SETBP1: variants seen among roughly 807,000 people sequenced by gnomAD.
The protein encoded by SETBP1 is SET-binding protein.
Under a neutral mutation model 101.0 loss-of-function variants are expected in SETBP1, and 9 were observed. That is an observed-to-expected ratio of 0.09 (90% CI 0.05 to 0.16). SETBP1 has a LOEUF of 0.16. Ranked by LOEUF, SETBP1 falls within the 10% of genes least tolerant of loss-of-function variation. The pLI, the probability that SETBP1 is intolerant of heterozygous loss-of-function variation, is 1.00. For synonymous variants in SETBP1, 818 were observed against 788.5 expected, an observed-to-expected ratio of 1.04 and a Z score of -0.63; for missense variants, 1,858 against 2,033.8, an observed-to-expected ratio of 0.91 and a Z score of 1.66.
At chr18:44,739,872 G>A (rs1254087462) in intron 2 of SETBP1, among the ~76,000 whole-genome samples, 2 of 152,174 alleles carry the variant, frequency 1.3e-5, no homozygotes, top group Non-Finnish European at 2.9e-5. Flanking sequence ...GATCATACGT[G>A]GGAAGTGGAG....
intron 3 of SETBP1, among the ~76,000 whole-genome samples, chr18:44,944,102 G>A (rs1336510220): frequency 6.6e-6 from 1 of 152,068 alleles, no homozygotes; most frequent in East Asian, 1.9e-4. Flanking sequence ...CCAAAGTGCT[G>A]GGATTACACA....
At chr18:45,023,840 C>G (rs916926563) in intron 4 of SETBP1, among the ~76,000 whole-genome samples, 3 of 152,146 alleles carry the variant, frequency 2.0e-5, no homozygotes, top group Admixed American at 1.3e-4. Context: ...CTCATTTAAT[C>G]CCTACGATAG....
intron 3 of SETBP1, among the ~76,000 whole-genome samples, chr18:44,908,400 C>A (rs1274917817): frequency 6.6e-6 from 1 of 151,942 alleles, no homozygotes; most frequent in African/African-American, 2.4e-5. Flanking sequence ...CCACTTTCTT[C>A]TTTTGCATGT....
chr18:45,038,537 C>T lies in SETBP1; in HGVS notation c.4053C>T (p.Asn1351=), dbSNP rs759497741. The change falls in exon 5 of 6, where the codon AAC becomes AAT. Residue 1351 remains asparagine, a synonymous_variant. Coordinates refer to ENST00000649279, the MANE Select transcript of SETBP1 (RefSeq NM_015559.3). ...KVDQTAVHSK[N]EGSVPTMMTR... Reference sequence around the variant, plus strand: ...ACCAGACAGCAGTGCATAGTAAGAACGAAGGCTCAGTGCCCACCATGATGA... The same window carrying T: ...ACCAGACAGCAGTGCATAGTAAGAATGAAGGCTCAGTGCCCACCATGATGA... 18 of 1,613,990 alleles carry T rather than the reference C, an allele frequency of 1.1e-5. No homozygotes were observed. The highest frequency in any genetic ancestry group is 6.7e-5 in the Admixed American group (4 of 59,994).
chr18:44,899,372 G>A (rs533441043), intron 3 of SETBP1, among the ~76,000 whole-genome samples: 5 of 152,120 alleles, frequency 3.3e-5, no homozygotes, highest in Non-Finnish European at 5.9e-5. Context: ...GATCATAACC[G>A]GGGATTGCAA....
intron 3 of SETBP1, among the ~76,000 whole-genome samples, chr18:44,949,266 GT>G (rs1218067886): frequency 6.6e-6 from 1 of 152,180 alleles, no homozygotes; most frequent in African/African-American, 2.4e-5. Flanking sequence ...AACCTGGGCT[GT>G]TTTTACTGGT....
At chr18:44,693,119 CCAGTGTTGTGGAG>C (rs1220201846) in intron 1 of SETBP1, among the ~76,000 whole-genome samples, 1 of 152,150 alleles carries the variant, frequency 6.6e-6, no homozygotes, top group East Asian at 1.9e-4. Flanking sequence ...GCTAGATTTA[CCAGTGTTGTGGAG>C]CATTTACTCT....
chr18:44,918,006 C>T (rs905992596), intron 3 of SETBP1, among the ~76,000 whole-genome samples: 1 of 152,106 alleles, frequency 6.6e-6, no homozygotes, highest in African/African-American at 2.4e-5. Context: ...TCACCATGGC[C>T]CTCCCACAGC....
In SETBP1 at chr18:44,722,918, A is replaced by T. The variant is rs76558445; in HGVS notation, c.486+21086A>T. ...TATCCTATGGGAAGGATAATGTAATAGGATTAGAATCTAGGACAAAAATGG... is the reference window on the plus strand; with the variant it reads ...TATCCTATGGGAAGGATAATGTAATTGGATTAGAATCTAGGACAAAAATGG... On this transcript the variant is annotated intron_variant, in intron 2 of 5. Coordinates refer to ENST00000649279, the MANE Select transcript of SETBP1 (RefSeq NM_015559.3). 4.3e-3 allele frequency among the ~76,000 whole-genome samples: 655 copies of T among 152,352 alleles called. 6 individuals are homozygous for T. Among genetic ancestry groups the T allele is most frequent in the African/African-American group, 0.015 (632 of 41,580 alleles).
intron 2 of SETBP1, among the ~76,000 whole-genome samples, chr18:44,720,805 G>A (rs1235035964): frequency 6.6e-6 from 1 of 152,172 alleles, no homozygotes; most frequent in African/African-American, 2.4e-5. Context: ...GGACTGCAGA[G>A]TTGACCTGGA....
intron 4 of SETBP1, among the ~76,000 whole-genome samples, chr18:45,037,823 C>CT (rs1169095793): frequency 1.3e-5 from 2 of 152,170 alleles, no homozygotes; most frequent in Admixed American, 6.5e-5. Context: ...TGATGACACA[C>CT]TAATCCCCAC....
chr18:44,867,232 C>A (rs1008469491), intron 2 of SETBP1, among the ~76,000 whole-genome samples: 1 of 152,224 alleles, frequency 6.6e-6, no homozygotes, highest in African/African-American at 2.4e-5. Flanking sequence ...CCAGGTGATC[C>A]TCACCGTATC....
At chr18:44,711,704 ATTTTTTTT>A (rs11376628) in intron 2 of SETBP1, among the ~76,000 whole-genome samples, 1 of 125,654 alleles carries the variant, frequency 8.0e-6, no homozygotes, top group African/African-American at 3.1e-5. Context: ...TTATCTTTAA[ATTTTTTTT>A]TTTTTTTTTT....
chr18:44,753,570 A>G (rs559596040), intron 2 of SETBP1, among the ~76,000 whole-genome samples: 1 of 152,338 alleles, frequency 6.6e-6, no homozygotes, highest in South Asian at 2.1e-4. Flanking sequence ...CACCCAAGGA[A>G]ATTCATTTCT....
intron 4 of SETBP1, chr18:44,986,264 C>CA (rs2072231483): frequency 6.6e-6 from 1 of 152,094 alleles, no homozygotes; most frequent in Non-Finnish European, 1.5e-5. Flanking sequence ...AAAGGTACAG[C>CA]AAAAATACGG....
chr18:44,814,941 G>A (rs1283462244), intron 2 of SETBP1, among the ~76,000 whole-genome samples: 2 of 152,206 alleles, frequency 1.3e-5, no homozygotes, highest in Non-Finnish European at 2.9e-5. Context: ...GCTGTACTTG[G>A]TGTCAATTGA....
At chr18:44,708,578 G>A (rs915877835) in intron 2 of SETBP1, among the ~76,000 whole-genome samples, 1 of 152,180 alleles carries the variant, frequency 6.6e-6, no homozygotes, top group Non-Finnish European at 1.5e-5. Flanking sequence ...CTTTTCTGCA[G>A]GGCAGCAGGG....
At chr18:44,803,268 C>T (rs1350898265) in intron 2 of SETBP1, among the ~76,000 whole-genome samples, 1 of 152,148 alleles carries the variant, frequency 6.6e-6, no homozygotes, top group Non-Finnish European at 1.5e-5. Context: ...TATATAAACA[C>T]AGTGGAGTTC....
intron 3 of SETBP1, among the ~76,000 whole-genome samples, chr18:44,946,414 T>G (rs2071209052): frequency 6.6e-6 from 1 of 152,228 alleles, no homozygotes. Context: ...TCCACCCTTC[T>G]GACAGTCTCA....
Sources: allele counts gnomAD v4.1 joint callset (sites outside exome capture counted in the v4.1 genomes callset), GRCh38; gene constraint gnomAD v4.1.1; transcripts MANE v1.5; gene names NCBI Gene and HGNC (gene_info 2026-07-23, HGNC 2026-07-21).